The following RBMS3 variants were observed in gnomAD, a reference collection of about 807,000 sequenced individuals.
RBMS3 encodes the protein RNA-binding motif, single-stranded-interacting protein 3.
Under a neutral mutation model 66.8 loss-of-function variants are expected in RBMS3, and 27 were observed. The observed-to-expected ratio is 0.40, with a 90% CI of 0.30 to 0.56. The LOEUF (loss-of-function observed/expected upper bound fraction) is 0.56, where lower values mean the gene tolerates loss of function less well. Among genes scored for constraint, RBMS3 ranks in the 20% least tolerant of loss-of-function variants. RBMS3 has a pLI of 0.40. For missense variants in RBMS3, 513 were observed against 549.5 expected (o/e 0.93, Z 0.66); for synonymous variants, 188 against 183.0 (o/e 1.03, Z -0.22).
At chr3:29,885,742 G>A (rs922423401) in intron 8 of RBMS3, among the ~76,000 whole-genome samples, 10 of 151,768 alleles carry the variant, frequency 6.6e-5, no homozygotes, top group Non-Finnish European at 1.2e-4. Context: ...GCATATGTAT[G>A]CACATGTGTG....
intron 1 of RBMS3, among the ~76,000 whole-genome samples, chr3:29,355,449 A>C (rs771763839): frequency 1.3e-4 from 19 of 151,924 alleles, no homozygotes; most frequent in Non-Finnish European, 2.1e-4. Flanking sequence ...AGTGCACTTA[A>C]AAAATTATTT....
intron 3 of RBMS3, among the ~76,000 whole-genome samples, chr3:29,505,161 G>A (rs1401697672): frequency 6.6e-6 from 1 of 151,884 alleles, no homozygotes; most frequent in African/African-American, 2.4e-5. Context: ...TTTCGGCTGT[G>A]TTTTCTTCTA....
intron 6 of RBMS3, among the ~76,000 whole-genome samples, chr3:29,817,155 A>G (rs1483113814): frequency 2.6e-5 from 4 of 151,750 alleles, no homozygotes; most frequent in African/African-American, 9.7e-5. Context: ...TATTCTTTCT[A>G]AAAATTAAAA....
chr3:29,502,445 A>G (rs993743153), intron 3 of RBMS3, among the ~76,000 whole-genome samples: 1 of 152,194 alleles, frequency 6.6e-6, no homozygotes, highest in Non-Finnish European at 1.5e-5. Flanking sequence ...TTTAATGACA[A>G]TTAGACACAA....
At chr3:29,664,960 A>G (rs1405906617) in intron 4 of RBMS3, among the ~76,000 whole-genome samples, 7 of 152,146 alleles carry the variant, frequency 4.6e-5, no homozygotes, top group Admixed American at 4.6e-4. Context: ...TAATGGGAGG[A>G]AAAAGAAAAA....
chr3:29,455,223 T>G (rs2042145767), intron 2 of RBMS3, among the ~76,000 whole-genome samples: 1 of 152,318 alleles, frequency 6.6e-6, no homozygotes, highest in African/African-American at 2.4e-5. Flanking sequence ...GTGTTCTAGT[T>G]CTTTAATACA....
rs535304961 is a variant in RBMS3 at position 29,691,558 on chromosome 3, T to C, written c.400-48162T>C. On this transcript the variant is annotated intron_variant, in intron 4 of 14. Coordinates refer to ENST00000383767, the MANE Select transcript of RBMS3 (RefSeq NM_001003793.3). ...TTAATGCATGCCTCATTTCTACTCA[T>C]CTTAGAAAGAAAAGTCAAGAAGTCC... Among the ~76,000 whole-genome samples the C allele has an allele frequency of 8.5e-5, 13 of 152,302 alleles. No individual in the cohort carries two copies. The South Asian group carries it at 2.7e-3, about 32-fold the overall frequency.
intron 1 of RBMS3, among the ~76,000 whole-genome samples, chr3:29,372,576 A>G (rs531741407): frequency 2.6e-5 from 4 of 152,296 alleles, no homozygotes; most frequent in Admixed American, 6.5e-5. Context: ...CTTTGAGCCA[A>G]TAAGCAACCA....
At chr3:29,974,962 G>A (rs1164911345) in intron 12 of RBMS3, among the ~76,000 whole-genome samples, 14 of 111,516 alleles carry the variant, frequency 1.3e-4, no homozygotes, top group African/African-American at 2.6e-4. Context: ...TATAAAATAC[G>A]TTTCTATATT....
chr3:29,870,867 T>A (rs556948747), intron 7 of RBMS3, among the ~76,000 whole-genome samples: 3 of 152,174 alleles, frequency 2.0e-5, no homozygotes, highest in African/African-American at 7.2e-5. Flanking sequence ...TGAGAGAAGA[T>A]AGATTAGGCA....
chr3:29,632,701 G>A (rs13317641), intron 4 of RBMS3, among the ~76,000 whole-genome samples: 11,841 of 151,840 alleles, frequency 0.078, 815 homozygotes, highest in East Asian at 0.35. Context: ...GACATTTTAA[G>A]AACACCAAAA....
At chr3:29,533,740 G>A (rs1247739603) in intron 3 of RBMS3, among the ~76,000 whole-genome samples, 3 of 152,146 alleles carry the variant, frequency 2.0e-5, no homozygotes, top group African/African-American at 4.8e-5. Context: ...CTGCACCACT[G>A]CACTCCAGCC....
At chr3:29,409,201 T>C (rs908601066) in intron 1 of RBMS3, among the ~76,000 whole-genome samples, 10 of 152,204 alleles carry the variant, frequency 6.6e-5, no homozygotes, top group Admixed American at 6.5e-4. Flanking sequence ...ACAATAACTA[T>C]TTTTTCTAAT....
chr3:29,907,157 T>C (rs1228125068), intron 10 of RBMS3, among the ~76,000 whole-genome samples: 1 of 152,158 alleles, frequency 6.6e-6, no homozygotes, highest in Non-Finnish European at 1.5e-5. Context: ...ATCCCACTCT[T>C]GCAAAATGTT....
chr3:29,545,442 GA>G (rs1479070807), intron 3 of RBMS3, among the ~76,000 whole-genome samples: 1 of 152,092 alleles, frequency 6.6e-6, no homozygotes, highest in Non-Finnish European at 1.5e-5. Context: ...AAATTATGAT[GA>G]AGCAGATACT....
At chr3:29,848,000 G>A (rs1201927658) in intron 6 of RBMS3, among the ~76,000 whole-genome samples, 2 of 152,142 alleles carry the variant, frequency 1.3e-5, no homozygotes, top group Non-Finnish European at 2.9e-5. Context: ...TTTCCCCTTT[G>A]TATTTTGTGT....
At chr3:29,363,505 A>G (rs766831263) in intron 1 of RBMS3, among the ~76,000 whole-genome samples, 1 of 152,154 alleles carries the variant, frequency 6.6e-6, no homozygotes, top group African/African-American at 2.4e-5. Flanking sequence ...TAAAACAACT[A>G]TTTGCCGGGC....
chr3:29,350,872 T>A (rs903393768), intron 1 of RBMS3, among the ~76,000 whole-genome samples: 21 of 151,746 alleles, frequency 1.4e-4, no homozygotes, highest in African/African-American at 4.8e-4. Flanking sequence ...AAAACTATAA[T>A]GTGCATGGTA....
intron 7 of RBMS3, among the ~76,000 whole-genome samples, chr3:29,872,476 G>A (rs1362208593): frequency 6.6e-6 from 1 of 151,990 alleles, no homozygotes; most frequent in African/African-American, 2.4e-5. Context: ...TTTAAAAAGG[G>A]AGAACCCTAT....
Sources: gnomAD v4.1 joint callset for allele counts (sites outside exome capture counted in the v4.1 genomes callset) on GRCh38, gnomAD v4.1.1 for gene constraint, MANE v1.5 for transcripts, NCBI Gene and HGNC (gene_info 2026-07-23, HGNC 2026-07-21) for gene names.